SYNPO2: variants seen among roughly 807,000 people sequenced by gnomAD.
SYNPO2 encodes synaptopodin-2.
A neutral mutation model predicts 85.0 loss-of-function variants in SYNPO2; 56 were observed. The observed-to-expected ratio is 0.66, with a 90% CI of 0.53 to 0.82. SYNPO2 has a LOEUF of 0.82. Ranked by LOEUF, SYNPO2 falls within the 40% of genes least tolerant of loss-of-function variation. SYNPO2 has a pLI of 0.00. For synonymous variants in SYNPO2, 602 were observed against 591.1 expected (o/e 1.02, Z -0.27); for missense variants, 1,575 against 1,534.2 (o/e 1.03, Z -0.44).
intron 1 of SYNPO2, among the ~76,000 whole-genome samples, chr4:118,969,287 A>G (rs1249963292): frequency 1.3e-5 from 2 of 152,368 alleles, no homozygotes; most frequent in East Asian, 1.9e-4. Flanking sequence ...GAAATGCTAC[A>G]TAGAAATTAC....
At chr4:118,907,054 A>T (rs541816346) in intron 1 of SYNPO2, among the ~76,000 whole-genome samples, 35 of 151,626 alleles carry the variant, frequency 2.3e-4, no homozygotes, top group Non-Finnish European at 4.7e-4. Flanking sequence ...GTTTCAAGCT[A>T]TTCTCCCACC....
chr4:118,859,543 A>G (rs537040829), intron 1 of SYNPO2, among the ~76,000 whole-genome samples: 9 of 152,262 alleles, frequency 5.9e-5, no homozygotes, highest in African/African-American at 2.2e-4. Context: ...TGTACCCATT[A>G]ACCATGCCCA....
At chr4:119,037,250 T>A (rs77968566) in intron 4 of SYNPO2, 16,918 of 1,477,032 alleles carry the variant, frequency 0.011, 124 homozygotes, top group South Asian at 0.019. Context: ...TGCTTTCACA[T>A]CTCCTATTTC....
At chr4:118,900,699 C>CTATATATATATATATATATATATA (rs1339820717) in intron 1 of SYNPO2, among the ~76,000 whole-genome samples, 1 of 29,426 alleles carries the variant, frequency 3.4e-5, no homozygotes, top group African/African-American at 8.7e-5. Context: ...CTCTCTCTCT[C>CTATATATATATATATATATATATA]TCTCTATATA....
intron 1 of SYNPO2, among the ~76,000 whole-genome samples, chr4:119,015,765 T>G (rs930667996): frequency 3.3e-5 from 5 of 152,222 alleles, no homozygotes; most frequent in African/African-American, 9.6e-5. Flanking sequence ...TAATGCCCAT[T>G]ATTTTACTCG....
At chr4:119,056,716 C>T (rs1216347883) in intron 4 of SYNPO2, among the ~76,000 whole-genome samples, 1 of 152,064 alleles carries the variant, frequency 6.6e-6, no homozygotes, top group Non-Finnish European at 1.5e-5. Flanking sequence ...GAGTAATTCC[C>T]TCAGAGACAA....
chr4:118,881,051 C>G (rs1037516676), intron 1 of SYNPO2, among the ~76,000 whole-genome samples: 1 of 151,952 alleles, frequency 6.6e-6, no homozygotes, highest in Non-Finnish European at 1.5e-5. Flanking sequence ...GCCTGTAATC[C>G]CAGCACTTTG....
intron 1 of SYNPO2, among the ~76,000 whole-genome samples, chr4:119,015,201 G>C (rs981893002): frequency 1.3e-5 from 2 of 152,176 alleles, no homozygotes; most frequent in African/African-American, 4.8e-5. Flanking sequence ...TAGCTTAAAT[G>C]CTTTGCTCGA....
chr4:118,995,562 A>G (rs1357597300), intron 1 of SYNPO2, among the ~76,000 whole-genome samples: 3 of 152,310 alleles, frequency 2.0e-5, no homozygotes, highest in Non-Finnish European at 4.4e-5. Flanking sequence ...AGTTATTTGA[A>G]CTCAGGTTGT....
At chr4:118,968,266 G>A (rs1376457826) in intron 1 of SYNPO2, among the ~76,000 whole-genome samples, 2 of 152,196 alleles carry the variant, frequency 1.3e-5, no homozygotes, top group African/African-American at 4.8e-5. Flanking sequence ...GTCACTGGAG[G>A]CCCTTGCACT....
chr4:119,017,307 C>T (rs964777143), intron 1 of SYNPO2, among the ~76,000 whole-genome samples: 2 of 152,122 alleles, frequency 1.3e-5, no homozygotes, highest in Non-Finnish European at 2.9e-5. Context: ...GAACTTATTT[C>T]CAAGATCTTA....
intron 1 of SYNPO2, among the ~76,000 whole-genome samples, chr4:118,859,859 A>T (rs1230611229): frequency 1.3e-5 from 2 of 152,172 alleles, no homozygotes; most frequent in Non-Finnish European, 2.9e-5. Flanking sequence ...GGCTATTGTG[A>T]ATAGTGCTGC....
intron 4 of SYNPO2, among the ~76,000 whole-genome samples, chr4:119,040,631 A>C (rs1738679217): frequency 6.6e-6 from 1 of 152,244 alleles, no homozygotes; most frequent in Non-Finnish European, 1.5e-5. Flanking sequence ...TAGTGGACTT[A>C]GTAATATGAA....
At chr4:118,981,760 C>A (rs1388677715) in intron 1 of SYNPO2, among the ~76,000 whole-genome samples, 4 of 152,114 alleles carry the variant, frequency 2.6e-5, no homozygotes, top group Non-Finnish European at 2.9e-5. Flanking sequence ...TGCTGTCGTC[C>A]ATTTTACTCC....
rs775934325 is a variant in SYNPO2 at position 119,057,519 on chromosome 4, A to G, written c.3371A>G (p.Lys1124Arg). 16 of 1,614,148 alleles carry G rather than the reference A, an allele frequency of 9.9e-6. 1 individual carries two copies. The South Asian group carries it at 1.8e-4, about 18-fold the overall frequency. ...AGTAAACCAACCGATGGACTAGAGA[A>G]AGCAAACAAGAGACCAACTCCTTGG... is the stretch of plus-strand genomic sequence containing the variant. ...YSSKPTDGLE[K>R]ANKRPTPWEA... The change falls in exon 5 of 5, where the codon AAA becomes AGA. Residue 1124 changes from lysine to arginine, a missense_variant. Lys to Arg is a conservative substitution (Grantham distance 26). This residue lies in a region of SYNPO2 where 1,508 missense variants were observed against 1,446.8 expected (regional missense o/e 1.04). Transcript: ENST00000307142.
chr4:119,055,786 T>C lies in SYNPO2; in HGVS notation c.3253-1615T>C, dbSNP rs191106815. On this transcript the variant is annotated intron_variant, in intron 4 of 4. Coordinates refer to ENST00000307142, the MANE Select transcript of SYNPO2 (RefSeq NM_133477.3). ...GCAAGTTTTTGCTAAGATTCAACCA[T>C]TGTAAGTAAAATTTAAATGATTAAA... Among the ~76,000 whole-genome samples, 37 of 152,266 alleles carry C rather than the reference T, an allele frequency of 2.4e-4. No homozygotes were observed. The East Asian group carries it at 5.4e-3, about 22-fold the overall frequency.
intron 1 of SYNPO2, among the ~76,000 whole-genome samples, chr4:118,927,745 TAGATGATA>T (rs1445893643): frequency 2.7e-5 from 4 of 149,852 alleles, no homozygotes; most frequent in South Asian, 4.2e-4. Flanking sequence ...GATAGATAGA[TAGATGATA>T]GATAGATATA....
intron 1 of SYNPO2, among the ~76,000 whole-genome samples, chr4:118,879,005 G>A (rs576900236): frequency 1.9e-4 from 29 of 152,062 alleles, no homozygotes; most frequent in Non-Finnish European, 2.5e-4. Flanking sequence ...TGAAGTCAGC[G>A]AGACCATGAA....
chr4:118,962,129 G>A (rs911672375), intron 1 of SYNPO2, among the ~76,000 whole-genome samples: 6 of 152,142 alleles, frequency 3.9e-5, no homozygotes, highest in Admixed American at 6.6e-5. Context: ...TGAAGCATCC[G>A]CACAGCAGCA....
Sources: allele counts gnomAD v4.1 joint callset (sites outside exome capture counted in the v4.1 genomes callset), GRCh38; gene constraint gnomAD v4.1.1; regional missense constraint gnomAD v4.1.1; transcripts MANE v1.5; gene names NCBI Gene and HGNC (gene_info 2026-07-23, HGNC 2026-07-21).